NTM: variants seen among roughly 807,000 people sequenced by gnomAD.
NTM encodes the protein neurotrimin, also known as IgLON family member 2.
NTM carries 13 observed loss-of-function variants against 42.1 expected under a neutral mutation model. That is an observed-to-expected ratio of 0.31 (90% CI 0.20 to 0.49). The LOEUF is 0.49. Among genes scored for constraint, NTM ranks in the 20% least tolerant of loss-of-function variants. NTM has a pLI of 0.99. For missense variants in NTM, 373 were observed against 452.8 expected, an observed-to-expected ratio of 0.82 and a Z score of 1.60; for synonymous variants, 187 against 179.2, an observed-to-expected ratio of 1.04 and a Z score of -0.35.
At chr11:131,982,635 G>A (rs2065433815) in intron 2 of NTM, among the ~76,000 whole-genome samples, 2 of 152,060 alleles carry the variant, frequency 1.3e-5, no homozygotes, top group African/African-American at 4.8e-5. Context: ...GGGGGGGCAG[G>A]GTGGAATAAA....
At chr11:132,027,853 A>C (rs2135600347) in intron 2 of NTM, among the ~76,000 whole-genome samples, 1 of 152,306 alleles carries the variant, frequency 6.6e-6, no homozygotes. Flanking sequence ...ATCTACGTCT[A>C]GTAATCCCAT....
intron 1 of NTM, among the ~76,000 whole-genome samples, chr11:131,667,678 A>C (rs577955501): frequency 6.6e-6 from 1 of 152,350 alleles, no homozygotes; most frequent in Non-Finnish European, 1.5e-5. Flanking sequence ...CTCAACAGGA[A>C]TAGCCCAGGA....
chr11:131,700,617 GC>G lies in NTM; in HGVS notation c.83-210946del, dbSNP rs2075976388. ...CATATTAATCCATTTAATCCTTACA[GC>G]AACCCTTTCAGGAAGGTGCTAGTAT... On this transcript the variant is annotated intron_variant, in intron 1 of 8. Coordinates refer to ENST00000683400, the MANE Select transcript of NTM (RefSeq NM_001352005.2). Among the ~76,000 whole-genome samples the G allele has an allele frequency of 3.3e-5, 5 of 152,182 alleles. No individual in the cohort carries two copies. The South Asian group carries it at 1.0e-3, about 32-fold the overall frequency.
intron 4 of NTM, among the ~76,000 whole-genome samples, chr11:132,252,342 G>C (rs61906032): frequency 0.14 from 20,572 of 152,006 alleles, 1,735 homozygotes; most frequent in East Asian, 0.21. Flanking sequence ...TGATGAGCTT[G>C]ATATAGCCCA....
chr11:132,308,120 C>T (rs1052391207), intron 5 of NTM, among the ~76,000 whole-genome samples: 3 of 152,144 alleles, frequency 2.0e-5, no homozygotes, highest in African/African-American at 7.2e-5. Flanking sequence ...TTTTTAAACA[C>T]GTCTTCAAAT....
chr11:131,789,017 G>A (rs556989836), intron 1 of NTM, among the ~76,000 whole-genome samples: 8 of 152,042 alleles, frequency 5.3e-5, no homozygotes, highest in Non-Finnish European at 8.8e-5. Context: ...CCAGGGGGCC[G>A]GGGTCTCTGC....
chr11:131,625,498 G>A (rs1361204317), intron 1 of NTM, among the ~76,000 whole-genome samples: 1 of 152,090 alleles, frequency 6.6e-6, no homozygotes, highest in Non-Finnish European at 1.5e-5. Flanking sequence ...CAAAGACAGA[G>A]AGACAGACAG....
chr11:131,526,624 G>T (rs1308220455), intron 1 of NTM, among the ~76,000 whole-genome samples: 1 of 152,180 alleles, frequency 6.6e-6, no homozygotes. Context: ...CAGGAGCCTG[G>T]AATGGAGAGA....
At chr11:132,028,395 CTTG>C (rs2075476508) in intron 2 of NTM, among the ~76,000 whole-genome samples, 1 of 152,058 alleles carries the variant, frequency 6.6e-6, no homozygotes, top group African/African-American at 2.4e-5. Flanking sequence ...GTAATTATTG[CTTG>C]TTGTAACTGT....
At chr11:132,319,452 C>T (rs753975010) in intron 7 of NTM, among the ~76,000 whole-genome samples, 5 of 152,220 alleles carry the variant, frequency 3.3e-5, no homozygotes, top group East Asian at 1.9e-4. Flanking sequence ...GCTTAAAAAA[C>T]GGCACACCAA....
intron 1 of NTM, among the ~76,000 whole-genome samples, chr11:131,664,107 A>G (rs181230575): frequency 1.1e-4 from 17 of 152,338 alleles, no homozygotes; most frequent in African/African-American, 4.1e-4. Flanking sequence ...CTCTCTGGAC[A>G]GGGCTCCAGT....
At chr11:132,176,819 C>T (rs533698677) in intron 3 of NTM, among the ~76,000 whole-genome samples, 2 of 149,816 alleles carry the variant, frequency 1.3e-5, no homozygotes, top group South Asian at 2.1e-4. Flanking sequence ...ACCTCTGCCT[C>T]CTCAGTTCAA....
At chr11:132,190,546 G>A (rs1248982763) in intron 3 of NTM, among the ~76,000 whole-genome samples, 3 of 151,968 alleles carry the variant, frequency 2.0e-5, no homozygotes, top group African/African-American at 7.3e-5. Flanking sequence ...GACCAGCCTG[G>A]CCAAGATGAT....
intron 3 of NTM, among the ~76,000 whole-genome samples, chr11:132,195,861 A>T (rs2080127367): frequency 6.6e-6 from 1 of 152,216 alleles, no homozygotes; most frequent in African/African-American, 2.4e-5. Context: ...CCTTGAAAAC[A>T]AACCAAGAAA....
intron 2 of NTM, among the ~76,000 whole-genome samples, chr11:132,029,041 T>A (rs1456372745): frequency 7.1e-6 from 1 of 140,372 alleles, no homozygotes; most frequent in Non-Finnish European, 1.5e-5. Flanking sequence ...CCGTAGAGGG[T>A]TGTATGGTTG....
chr11:132,322,281 C>T (rs1308040774), intron 7 of NTM, among the ~76,000 whole-genome samples: 1 of 151,842 alleles, frequency 6.6e-6, no homozygotes, highest in Non-Finnish European at 1.5e-5. Flanking sequence ...ATTCAGGAAA[C>T]CCATCTCATG....
chr11:131,461,482 C>T (rs573607329), intron 1 of NTM, among the ~76,000 whole-genome samples: 2 of 152,190 alleles, frequency 1.3e-5, no homozygotes, highest in Admixed American at 1.3e-4. Flanking sequence ...TATGAACATG[C>T]AGAAGCTAAA....
At chr11:132,138,767 C>T (rs2068499070) in intron 2 of NTM, among the ~76,000 whole-genome samples, 1 of 152,102 alleles carries the variant, frequency 6.6e-6, no homozygotes, top group African/African-American at 2.4e-5. Flanking sequence ...AAGTGCCCTT[C>T]CTCCACTCTT....
intron 1 of NTM, among the ~76,000 whole-genome samples, chr11:131,685,061 A>G (rs1035851950): frequency 2.0e-5 from 3 of 152,378 alleles, no homozygotes; most frequent in Middle Eastern, 3.4e-3. Context: ...TGAGCTTTCT[A>G]GAAATTCTAA....
Sources: gnomAD v4.1 joint callset for allele counts (sites outside exome capture counted in the v4.1 genomes callset) on GRCh38, gnomAD v4.1.1 for gene constraint, MANE v1.5 for transcripts, NCBI Gene and HGNC (gene_info 2026-07-23, HGNC 2026-07-21) for gene names.